The following CRYBG2 variants were observed in gnomAD, a reference collection of about 807,000 sequenced individuals.
The protein encoded by CRYBG2 is crystallin beta-gamma domain containing 2, also known as beta/gamma crystallin domain-containing protein 2.
Under a neutral mutation model 153.4 loss-of-function variants are expected in CRYBG2, and 106 were observed. The ratio of observed to expected loss-of-function variants is 0.69; its 90% CI spans 0.59 to 0.81. CRYBG2 has a LOEUF of 0.81. CRYBG2 is among the 30% of genes least tolerant of loss of function. The pLI, the probability that CRYBG2 is intolerant of heterozygous loss-of-function variation, is 0.00. For missense variants in CRYBG2, 1,996 were observed against 2,112.0 expected, an observed-to-expected ratio of 0.95 and a Z score of 1.08; for synonymous variants, 851 against 877.8, an observed-to-expected ratio of 0.97 and a Z score of 0.54.
In CRYBG2 at chr1:26,345,523, G is replaced by C; in HGVS notation, c.1135C>G (p.Pro379Ala). Reference sequence around the variant, plus strand: ...ACAAGGGGAGTGAGCCGGGCCCCGGGGTGAGTGGGCACCACAGGCTGCTTT... The same window carrying C: ...ACAAGGGGAGTGAGCCGGGCCCCGGCGTGAGTGGGCACCACAGGCTGCTTT... ...PAKQPVVPTH[P>A]GARLTPLVLP... The change falls in exon 2 of 20, where the codon CCC becomes GCC. Residue 379 changes from proline to alanine, a missense_variant. Coordinates refer to ENST00000308182, the MANE Select transcript of CRYBG2 (RefSeq NM_001039775.4). The C allele has an allele frequency of 1.3e-6, 2 of 1,599,092 alleles. No individual in the cohort carries two copies. The highest frequency in any genetic ancestry group is 2.2e-5 in the South Asian group (2 of 89,986).
In CRYBG2 at chr1:26,325,908, T is replaced by A. The variant is rs2073919278; in HGVS notation, c.4579-1598A>T. Among the ~76,000 whole-genome samples, 1 of 152,106 alleles carries A rather than the reference T, an allele frequency of 6.6e-6. No individual in the cohort carries two copies. The highest frequency in any genetic ancestry group is 1.5e-5 in the Non-Finnish European group (1 of 68,022). ...CACTTTCAGTCCTATGTGGCTAAACTATTTTTTTTTTGAGACAGGGTCTCG... is the reference window on the plus strand; with the variant it reads ...CACTTTCAGTCCTATGTGGCTAAACAATTTTTTTTTTGAGACAGGGTCTCG... On this transcript the variant is annotated intron_variant, in intron 17 of 19. Transcript: ENST00000308182. The surrounding 1 kb of genome is among the most constrained non-coding windows in gnomAD (Gnocchi z 4.1).
chr1:26,333,931 A>G (rs1340564063), intron 14 of CRYBG2, among the ~76,000 whole-genome samples: 3 of 152,118 alleles, frequency 2.0e-5, no homozygotes, highest in African/African-American at 7.2e-5. Flanking sequence ...CAATCCTCCC[A>G]TCTCAGCCTC....
At chr1:26,338,560 G>T in intron 6 of CRYBG2, 83 bp from the exon 7 acceptor site, 1 of 1,430,998 alleles carries the variant, frequency 7.0e-7, no homozygotes, top group Non-Finnish European at 9.3e-7. Context: ...AAGGTTTAGA[G>T]TGGAAAAGGA....
intron 17 of CRYBG2, among the ~76,000 whole-genome samples, chr1:26,327,342 C>T (rs1175956406): frequency 6.6e-6 from 1 of 152,084 alleles, no homozygotes; most frequent in East Asian, 1.9e-4. Context: ...GTGGCAGGCA[C>T]CTGTAATCCC....
intron 1 of CRYBG2, among the ~76,000 whole-genome samples, chr1:26,349,643 A>G (rs1215094287): frequency 1.3e-5 from 2 of 151,840 alleles, no homozygotes; most frequent in Admixed American, 6.6e-5. Flanking sequence ...CCCCTCCAAA[A>G]CTCATGTTGA....
Position 26,346,198 on chromosome 1 carries a change from T to C in CRYBG2, c.460A>G (p.Ser154Gly). 6.4e-7 allele frequency: 1 copy of C among 1,571,770 alleles called. No individual in the cohort carries two copies. The highest frequency in any genetic ancestry group is 1.2e-5 in the South Asian group (1 of 86,476). The change falls in exon 2 of 20, where the codon AGT becomes GGT. Residue 154 changes from serine to glycine, a missense_variant. Transcript: ENST00000308182. This position sits in a 1 kb window ranked among gnomAD's most constrained non-coding sequence, Gnocchi z 4.9. Reference protein sequence around the residue: ...LVPLPGPREPSPHPGVGLTSG... With the variant: ...LVPLPGPREPGPHPGVGLTSG... ...GTGAGACCTACACCTGGGTGGGGAC[T>C]TGGCTCTCGGGGCCCAGGCAGGGGA... is the stretch of plus-strand genomic sequence containing the variant.
At position 26,346,834 on chromosome 1, in the gene CRYBG2, G is replaced by A. The variant is rs569098742; in HGVS notation, c.-55-122C>T. Reference sequence around the variant, plus strand: ...CAGGCAAATCGCTTGGCCTTTTTGGGCCATTGCTTTCTCATCTGTGAAATG... The same window carrying A: ...CAGGCAAATCGCTTGGCCTTTTTGGACCATTGCTTTCTCATCTGTGAAATG... On this transcript the variant is annotated intron_variant, in intron 1 of 19. Transcript: ENST00000308182. The surrounding 1 kb of genome is among the most constrained non-coding windows in gnomAD (Gnocchi z 4.9). 2 of 615,992 alleles carry A rather than the reference G, an allele frequency of 3.2e-6. No individual in the cohort carries two copies. The highest frequency in any genetic ancestry group is 5.5e-6 in the Non-Finnish European group (2 of 366,438). The allele number at this position is 615,992 out of a possible 1,614,324, so 38.2% of individuals were successfully genotyped here.
chr1:26,332,854 T>C (rs545664446), intron 14 of CRYBG2, among the ~76,000 whole-genome samples: 4 of 151,646 alleles, frequency 2.6e-5, no homozygotes, highest in African/African-American at 9.7e-5. Context: ...TTTATTATAT[T>C]AACCCAGTTA....
chr1:26,341,341 A>G (rs1488919819), intron 5 of CRYBG2, among the ~76,000 whole-genome samples: 1 of 150,624 alleles, frequency 6.6e-6, no homozygotes, highest in Non-Finnish European at 1.5e-5. Flanking sequence ...ACTCTGTCTC[A>G]AAAAAAAATA....
chr1:26,350,578 G>C (rs1351926385), intron 1 of CRYBG2, among the ~76,000 whole-genome samples: 1 of 152,096 alleles, frequency 6.6e-6, no homozygotes, highest in Non-Finnish European at 1.5e-5. Context: ...ACCGAAACAA[G>C]ACTTGAACCC....
At position 26,336,371 on chromosome 1, in the gene CRYBG2, C is replaced by T; in HGVS notation, c.4039-1G>A. 2 of 1,613,418 alleles carry T rather than the reference C, an allele frequency of 1.2e-6. No homozygotes were observed. The highest frequency in any genetic ancestry group is 2.2e-5 in the East Asian group (1 of 44,838). On this transcript the variant is annotated splice_acceptor_variant, in intron 12 of 19. Transcript: ENST00000308182. LOFTEE classifies it high-confidence loss of function. The surrounding 1 kb of genome is among the most constrained non-coding windows in gnomAD (Gnocchi z 4.9). Reference sequence around the variant, plus strand: ...CGAAGTGCAGATCGTGCTCCCCGACCTGAAGGTAGGGACCGAATCGAGAAT... The same window carrying T: ...CGAAGTGCAGATCGTGCTCCCCGACTTGAAGGTAGGGACCGAATCGAGAAT...
At chr1:26,349,119 A>G (rs562784742) in intron 1 of CRYBG2, among the ~76,000 whole-genome samples, 6 of 151,916 alleles carry the variant, frequency 3.9e-5, no homozygotes, top group Admixed American at 3.3e-4. Context: ...CAGTGAGCTG[A>G]GATCACGCCT....
At chr1:26,335,491 C>G (rs1325924072) in intron 14 of CRYBG2, among the ~76,000 whole-genome samples, 1 of 147,762 alleles carries the variant, frequency 6.8e-6, no homozygotes, top group Non-Finnish European at 1.5e-5. Context: ...CAAAACAAAA[C>G]AATACAAAAA....
Position 26,336,887 on chromosome 1 carries a change from C to T in CRYBG2, c.3865G>A (p.Val1289Met). 1 of 1,610,334 alleles carries T rather than the reference C, an allele frequency of 6.2e-7. No individual in the cohort carries two copies. The highest frequency in any genetic ancestry group is 1.3e-5 in the African/African-American group (1 of 74,978). Residue 1289 changes from valine to methionine, a missense_variant, in exon 11 of 20, where the codon GTG becomes ATG. By Grantham distance (21) the Val-to-Met change is conservative (BLOSUM62 1). Coordinates refer to ENST00000308182, the MANE Select transcript of CRYBG2 (RefSeq NM_001039775.4). This position sits in a 1 kb window ranked among gnomAD's most constrained non-coding sequence, Gnocchi z 4.9. ...GCCTGTGTGCTGGGGCCGTGTTGCACCAGCTCCACATCCGGCAATGCCTTG... is the reference window on the plus strand; with the variant it reads ...GCCTGTGTGCTGGGGCCGTGTTGCATCAGCTCCACATCCGGCAATGCCTTG... The part of the protein sequence containing the change: ...VSKALPDVEL[V>M]QHGPSTQAIH...
In CRYBG2 at chr1:26,344,253, G is replaced by A. The variant is rs770326101; in HGVS notation, c.2405C>T (p.Ala802Val). 5.3e-5 allele frequency: 81 copies of A among 1,534,308 alleles called. No homozygotes were observed. The highest frequency in any genetic ancestry group is 6.5e-5 in the Non-Finnish European group (75 of 1,145,536). ...TGGCCCCAGCTGGTCCTCCTCAATG[G>A]CAGGCAGCGTGGCGTACATGGACAG... is the stretch of plus-strand genomic sequence containing the variant. Reference protein sequence around the residue: ...SYLSMYATLPAIEEDQLGPWV... With the variant: ...SYLSMYATLPVIEEDQLGPWV... The change falls in exon 2 of 20, where the codon GCC becomes GTC. Residue 802 changes from alanine to valine, a missense_variant. Coordinates refer to ENST00000308182, the MANE Select transcript of CRYBG2 (RefSeq NM_001039775.4).
In CRYBG2 at chr1:26,345,797, G is replaced by A. The variant is rs778905538; in HGVS notation, c.861C>T (p.Asp287=). 1 of 1,596,734 alleles carries A rather than the reference G, an allele frequency of 6.3e-7. No homozygotes were observed. The highest frequency in any genetic ancestry group is 1.1e-5 in the South Asian group (1 of 90,756). ...TGCCTGTAGAGGCCAGGGCAGAGCT[G>A]TCTTTAAGCTCTGCTGTCCCGGTCT... The part of the protein sequence containing the change: ...LPETGTAELK[D]SSALASTGIP... The change falls in exon 2 of 20, where the codon GAC becomes GAT. Residue 287 remains aspartate (D), a synonymous_variant. Transcript: ENST00000308182.
At chr1:26,347,625 G>A (rs2074240200) in intron 1 of CRYBG2, among the ~76,000 whole-genome samples, 1 of 151,934 alleles carries the variant, frequency 6.6e-6, no homozygotes, top group Admixed American at 6.6e-5. Flanking sequence ...AAGTAGCTGG[G>A]ACTACAGGTG....
chr1:26,333,519 T>C (rs1021481210), intron 14 of CRYBG2, among the ~76,000 whole-genome samples: 4 of 151,584 alleles, frequency 2.6e-5, no homozygotes, highest in Non-Finnish European at 5.9e-5. Flanking sequence ...TGAGCCGAGA[T>C]TGCGCCATTG....
At chr1:26,328,446 G>C (rs11589684) in intron 16 of CRYBG2, 114 bp from the exon 17 acceptor site, 1,144,839 of 1,433,306 alleles carry the variant, frequency 0.8, 463,455 homozygotes, top group Middle Eastern at 0.85. Flanking sequence ...TTCTCCCATG[G>C]AGGGATTCCT....
Sources: gnomAD v4.1 joint callset for allele counts (sites outside exome capture counted in the v4.1 genomes callset) on GRCh38, gnomAD v4.1.1 for gene constraint, Gnocchi (gnomAD v3.1) non-coding constraint, MANE v1.5 for transcripts, NCBI Gene and HGNC (gene_info 2026-07-23, HGNC 2026-07-21) for gene names.